The following DACH2 variants were observed in gnomAD, a reference collection of about 807,000 sequenced individuals.
DACH2 encodes the protein dachshund homolog 2.
DACH2 carries 17 observed loss-of-function variants against 35.8 expected under a neutral mutation model. The ratio of observed to expected loss-of-function variants is 0.48; its 90% CI spans 0.33 to 0.71. The LOEUF is 0.71. Among genes scored for constraint, DACH2 ranks in the 30% least tolerant of loss-of-function variants. The pLI, the probability that DACH2 is intolerant of heterozygous loss-of-function variation, is 0.02. For missense variants in DACH2, 469 were observed against 472.7 expected (o/e 0.99, Z 0.07); for synonymous variants, 195 against 177.3 (o/e 1.10, Z -0.79).
intron 4 of DACH2, among the ~76,000 whole-genome samples, chrX:86,682,618 A>G (rs1424735344): frequency 9.0e-6 from 1 of 111,515 alleles, no homozygotes; most frequent in Non-Finnish European, 1.9e-5. Flanking sequence ...TATAGTTTTA[A>G]TTACTCAGTG....
chrX:86,317,058 A>T (rs1450783071), intron 1 of DACH2, among the ~76,000 whole-genome samples: 1 of 103,929 alleles, frequency 9.6e-6, no homozygotes, highest in Non-Finnish European at 2.0e-5. Context: ...CAGAGGTTGC[A>T]GTGAGCCAAG....
chrX:86,329,028 G>A (rs1389169759), intron 1 of DACH2, among the ~76,000 whole-genome samples: 2 of 111,429 alleles, frequency 1.8e-5, no homozygotes, highest in Non-Finnish European at 3.8e-5. Flanking sequence ...ACAATGACAC[G>A]ATTCCTTGGG....
chrX:86,330,387 C>T (rs936501776), intron 1 of DACH2, among the ~76,000 whole-genome samples: 3 of 111,260 alleles, frequency 2.7e-5, no homozygotes, highest in African/African-American at 6.5e-5. Flanking sequence ...AATATTATCC[C>T]ATTTTATTGC....
At chrX:86,685,541 A>G (rs1386092701) in intron 4 of DACH2, among the ~76,000 whole-genome samples, 2 of 112,001 alleles carry the variant, frequency 1.8e-5, no homozygotes, top group Non-Finnish European at 3.8e-5. Flanking sequence ...CACATGTCAC[A>G]GCTTATAAAT....
chrX:86,812,254 C>A (rs767276419), intron 7 of DACH2, among the ~76,000 whole-genome samples: 16 of 111,510 alleles, frequency 1.4e-4, no homozygotes, highest in African/African-American at 4.9e-4. Flanking sequence ...AAAGGCAAAT[C>A]TTTGGAGATA....
chrX:86,333,444 T>C (rs2035247448), intron 1 of DACH2, among the ~76,000 whole-genome samples: 1 of 111,473 alleles, frequency 9.0e-6, no homozygotes, highest in African/African-American at 3.3e-5. Context: ...GCTGACCTTC[T>C]CACACTCTTA....
At chrX:86,432,526 C>T (rs770609718) in intron 2 of DACH2, among the ~76,000 whole-genome samples, 11 of 111,775 alleles carry the variant, frequency 9.8e-5, no homozygotes, top group Non-Finnish European at 2.1e-4. Context: ...GAAGAAATAT[C>T]TTGAAGGTTG....
chrX:86,456,989 G>A (rs2037487360), intron 2 of DACH2, among the ~76,000 whole-genome samples: 1 of 111,271 alleles, frequency 9.0e-6, no homozygotes, highest in African/African-American at 3.3e-5. Context: ...TATGTCTGAT[G>A]TTTCTCTTTT....
chrX:86,247,878 T>G (rs191252886), intron 1 of DACH2, among the ~76,000 whole-genome samples: 125 of 111,624 alleles, frequency 1.1e-3, no homozygotes, highest in African/African-American at 3.9e-3. Context: ...GATGCAAGGT[T>G]GGCTCAACCT....
intron 2 of DACH2, among the ~76,000 whole-genome samples, chrX:86,445,725 T>C (rs902468552): frequency 9.1e-6 from 1 of 110,426 alleles, no homozygotes; most frequent in Non-Finnish European, 1.9e-5. Context: ...TAAGAAAAAA[T>C]TTGATATAAT....
chrX:86,636,045 G>A (rs2040261575), intron 3 of DACH2, among the ~76,000 whole-genome samples: 1 of 111,875 alleles, frequency 8.9e-6, no homozygotes, highest in African/African-American at 3.2e-5. Context: ...AAATTCATAT[G>A]GAGCCAAAAT....
intron 1 of DACH2, among the ~76,000 whole-genome samples, chrX:86,288,883 G>A (rs1260597079): frequency 9.0e-6 from 1 of 111,564 alleles, no homozygotes; most frequent in East Asian, 2.9e-4. Context: ...ATTATCCTGT[G>A]ACAGAGCTGG....
chrX:86,409,999 G>C (rs1269455605), intron 2 of DACH2, among the ~76,000 whole-genome samples: 2 of 111,969 alleles, frequency 1.8e-5, no homozygotes, highest in African/African-American at 6.5e-5. Context: ...AAACAATGCT[G>C]ATGGGATGTG....
intron 1 of DACH2, among the ~76,000 whole-genome samples, chrX:86,231,651 G>A (rs189894603): frequency 1.8e-5 from 2 of 112,140 alleles, no homozygotes; most frequent in African/African-American, 6.5e-5. Context: ...AAACTTGCCC[G>A]AGGCTTTCTG....
rs750141441 is a variant in DACH2, at chrX:86,687,484, C to T, written c.773-7537C>T. Among the ~76,000 whole-genome samples, 312 of 111,673 alleles carry T rather than the reference C, an allele frequency of 2.8e-3. 2 individuals are homozygous for T. Among genetic ancestry groups the T allele is most frequent in the African/African-American group, 9.4e-3 (290 of 30,820 alleles). On this transcript the variant is annotated intron_variant, in intron 4 of 11. Transcript: ENST00000373125. ...TTGACCATTGTGGAAGACAGTGTGGCGATTCCTCAAGGATCTAGAACCAGA... is the reference window on the plus strand; with the variant it reads ...TTGACCATTGTGGAAGACAGTGTGGTGATTCCTCAAGGATCTAGAACCAGA...
chrX:86,816,733 G>A (rs2042457502), intron 11 of DACH2, among the ~76,000 whole-genome samples: 1 of 111,760 alleles, frequency 8.9e-6, no homozygotes, highest in Non-Finnish European at 1.9e-5. Flanking sequence ...TCACTGGAGT[G>A]CAAAAGCACA....
At chrX:86,317,194 C>T (rs2034929480) in intron 1 of DACH2, among the ~76,000 whole-genome samples, 1 of 110,562 alleles carries the variant, frequency 9.0e-6, no homozygotes, top group African/African-American at 3.3e-5. Flanking sequence ...CACTGTAGGC[C>T]ATAACCATGA....
At position 86,710,897 on chromosome X, in the gene DACH2, A is replaced by G. The variant is rs141860113; in HGVS notation, c.932-3651A>G. 5.3e-3 allele frequency among the ~76,000 whole-genome samples: 597 copies of G among 112,037 alleles called. 8 individuals carry two copies. Among genetic ancestry groups the G allele is most frequent in the African/African-American group, 0.018 (563 of 30,831 alleles). On this transcript the variant is annotated intron_variant, in intron 5 of 11. Coordinates refer to ENST00000373125, the MANE Select transcript of DACH2 (RefSeq NM_053281.3). ...GATAGGGTACTTGTATCAAGGGATT[A>G]ATGCCTGGTAGTCACTGTAGAAATG... is the stretch of plus-strand genomic sequence containing the variant.
intron 1 of DACH2, among the ~76,000 whole-genome samples, chrX:86,267,069 G>A (rs1005833210): frequency 1.8e-5 from 2 of 111,853 alleles, no homozygotes; most frequent in African/African-American, 3.2e-5. Flanking sequence ...AAATGATCAT[G>A]AGTTTACACC....
Sources: gnomAD v4.1 joint callset for allele counts (sites outside exome capture counted in the v4.1 genomes callset) on GRCh38, gnomAD v4.1.1 for gene constraint, MANE v1.5 for transcripts, NCBI Gene and HGNC (gene_info 2026-07-23, HGNC 2026-07-21) for gene names.